RAB11FIP4: variants seen among roughly 807,000 people sequenced by gnomAD.
RAB11FIP4 encodes the protein RAB11 family interacting protein 4.
In RAB11FIP4, 23 loss-of-function variants were observed where a neutral mutation model predicts 74.3. The ratio of observed to expected loss-of-function variants is 0.31; its 90% CI spans 0.22 to 0.44. RAB11FIP4 has a LOEUF of 0.44. RAB11FIP4 is among the 20% of genes least tolerant of loss of function. RAB11FIP4 has a pLI of 1.00. For missense variants in RAB11FIP4, 630 were observed against 863.9 expected, an observed-to-expected ratio of 0.73 and a Z score of 3.39; for synonymous variants, 360 against 359.9, an observed-to-expected ratio of 1.00 and a Z score of 0.00.
chr17:31,530,662 TC>T (rs2072854373), intron 14 of RAB11FIP4, among the ~76,000 whole-genome samples, 193 bp downstream of exon 14: 1 of 152,170 alleles, frequency 6.6e-6, no homozygotes, highest in South Asian at 2.1e-4. Flanking sequence ...AGCTCTGAGT[TC>T]CGCCTGTGCT....
intron 1 of RAB11FIP4, among the ~76,000 whole-genome samples, chr17:31,420,356 C>G (rs1361051973): frequency 6.6e-6 from 1 of 151,770 alleles, no homozygotes; most frequent in Admixed American, 6.6e-5. Context: ...TCACCCAACC[C>G]CGGTAGCTGG....
intron 3 of RAB11FIP4, among the ~76,000 whole-genome samples, chr17:31,485,979 T>G (rs940318033): frequency 1.3e-5 from 2 of 152,106 alleles, no homozygotes; most frequent in Non-Finnish European, 2.9e-5. Flanking sequence ...CTCACGCCTG[T>G]AATCCTAGCA....
chr17:31,406,236 C>T (rs1052808840), intron 1 of RAB11FIP4, among the ~76,000 whole-genome samples: 2 of 152,236 alleles, frequency 1.3e-5, no homozygotes, highest in Non-Finnish European at 2.9e-5. Flanking sequence ...AGCTGCACCT[C>T]CCTCAGTACC....
At chr17:31,520,122 T>C (rs939544519) in intron 4 of RAB11FIP4, among the ~76,000 whole-genome samples, 5 of 149,766 alleles carry the variant, frequency 3.3e-5, no homozygotes, top group African/African-American at 1.2e-4. Flanking sequence ...AAAGACAAAC[T>C]TAAAAAATAA....
chr17:31,405,612 A>T (rs1408590724), intron 1 of RAB11FIP4, among the ~76,000 whole-genome samples: 1 of 152,110 alleles, frequency 6.6e-6, no homozygotes, highest in African/African-American at 2.4e-5. Flanking sequence ...ACCTCAGGCG[A>T]TCCGCCCTCC....
At chr17:31,519,203 A>G (rs987523093) in intron 4 of RAB11FIP4, among the ~76,000 whole-genome samples, 1 of 151,722 alleles carries the variant, frequency 6.6e-6, no homozygotes, top group Non-Finnish European at 1.5e-5. Flanking sequence ...TTTAGTAGAG[A>G]TGGGGTTTCA....
At chr17:31,522,730 A>G in intron 7 of RAB11FIP4, 1 of 385,194 alleles carries the variant, frequency 2.6e-6, no homozygotes. Flanking sequence ...GCCATACTCA[A>G]TAAAGAGACC....
intron 1 of RAB11FIP4, among the ~76,000 whole-genome samples, chr17:31,422,031 T>G (rs562283844): frequency 1.3e-5 from 2 of 151,954 alleles, no homozygotes; most frequent in Admixed American, 1.3e-4. Flanking sequence ...GAAAATTAGC[T>G]GGGCGTGTTG....
At chr17:31,443,263 C>G (rs549236644) in intron 3 of RAB11FIP4, among the ~76,000 whole-genome samples, 3 of 152,130 alleles carry the variant, frequency 2.0e-5, no homozygotes, top group Non-Finnish European at 4.4e-5. Context: ...TTTTTAAGAA[C>G]CAGAAATATA....
chr17:31,433,710 T>C (rs746494643), intron 2 of RAB11FIP4, among the ~76,000 whole-genome samples: 1 of 152,026 alleles, frequency 6.6e-6, no homozygotes, highest in African/African-American at 2.4e-5. Flanking sequence ...TCGTTTGGAG[T>C]CCCTGCAAGC....
intron 3 of RAB11FIP4, among the ~76,000 whole-genome samples, chr17:31,454,398 C>G (rs1376234213): frequency 1.3e-5 from 2 of 152,080 alleles, no homozygotes; most frequent in African/African-American, 4.8e-5. Context: ...CTCAGCCTCC[C>G]GAGTAGCTGG....
At chr17:31,396,196 AAG>A (rs1462777863) in intron 1 of RAB11FIP4, among the ~76,000 whole-genome samples, 4 of 106,896 alleles carry the variant, frequency 3.7e-5, no homozygotes, top group African/African-American at 1.1e-4. Context: ...AAAAAAAAAA[AAG>A]AAAAGAAAAG....
At chr17:31,446,190 G>A (rs76622884) in intron 3 of RAB11FIP4, among the ~76,000 whole-genome samples, 1,730 of 152,126 alleles carry the variant, frequency 0.011, 36 homozygotes, top group African/African-American at 0.035. Flanking sequence ...GTGTGGCGAG[G>A]AGGGGGCCAG....
At chr17:31,473,031 C>CA (rs1216157888) in intron 3 of RAB11FIP4, among the ~76,000 whole-genome samples, 1 of 150,118 alleles carries the variant, frequency 6.7e-6, no homozygotes, top group Non-Finnish European at 1.5e-5. Context: ...AGACTCGTCT[C>CA]AAAAAAACAA....
intron 10 of RAB11FIP4, 61 bp downstream of exon 10, chr17:31,525,291 G>A: frequency 1.4e-6 from 2 of 1,475,404 alleles, no homozygotes; most frequent in Non-Finnish European, 1.8e-6. Context: ...GCAGCCCTGT[G>A]GGATAGGCGC....
At chr17:31,493,403 C>G (rs1357797207) in intron 3 of RAB11FIP4, among the ~76,000 whole-genome samples, 10 of 151,942 alleles carry the variant, frequency 6.6e-5, no homozygotes, top group Admixed American at 4.6e-4. Flanking sequence ...ACCCCCCACC[C>G]CCCTGCGCTG....
intron 1 of RAB11FIP4, among the ~76,000 whole-genome samples, chr17:31,431,015 A>C (rs566449044): frequency 6.6e-6 from 1 of 152,112 alleles, no homozygotes; most frequent in African/African-American, 2.4e-5. Flanking sequence ...GGCAAAAAGA[A>C]AGTCAAGGAT....
intron 3 of RAB11FIP4, among the ~76,000 whole-genome samples, chr17:31,438,633 C>T (rs1256248893): frequency 6.6e-6 from 1 of 152,166 alleles, no homozygotes; most frequent in African/African-American, 2.4e-5. Context: ...AAACCAACAT[C>T]AGCTCCTACC....
rs2072983068 is a variant in RAB11FIP4, at chr17:31,537,372, T to C, written c.*5640T>C. On this transcript the variant is annotated 3_prime_UTR_variant, in exon 15 of 15. Transcript: ENST00000621161. The stretch of plus-strand genomic sequence containing the variant: ...TAACTTTGTACAGAATCTTTCATTA[T>C]TGTCTTAAGCATGGGGGGCTAGGAC... 2.5e-6 allele frequency: 1 copy of C among 397,008 alleles called. No homozygotes were observed. Among genetic ancestry groups the C allele is most frequent in the Non-Finnish European group, 4.4e-6 (1 of 225,378 alleles). The allele number at this position is 397,008 out of a possible 1,614,324, so 24.6% of individuals were successfully genotyped here.
Sources: allele counts gnomAD v4.1 joint callset (sites outside exome capture counted in the v4.1 genomes callset), GRCh38; gene constraint gnomAD v4.1.1; transcripts MANE v1.5; gene names NCBI Gene and HGNC (gene_info 2026-07-23, HGNC 2026-07-21).